ADGRL2: variants seen among roughly 807,000 people sequenced by gnomAD.
The protein encoded by ADGRL2 is calcium-independent alpha-latrotoxin receptor 2.
Under a neutral mutation model 157.4 loss-of-function variants are expected in ADGRL2, and 44 were observed. The observed-to-expected ratio is 0.28, with a 90% CI of 0.22 to 0.36. The LOEUF is 0.36. Among genes scored for constraint, ADGRL2 ranks in the 10% least tolerant of loss-of-function variants. ADGRL2 has a pLI of 1.00. For synonymous variants in ADGRL2, 585 were observed against 624.7 expected, an observed-to-expected ratio of 0.94 and a Z score of 0.95; for missense variants, 1,510 against 1,768.9, an observed-to-expected ratio of 0.85 and a Z score of 2.63.
chr1:81,367,552 GTTTC>G (rs1490143306), intron 1 of ADGRL2, among the ~76,000 whole-genome samples: 1 of 152,030 alleles, frequency 6.6e-6, no homozygotes, highest in Non-Finnish European at 1.5e-5. Flanking sequence ...ACATGACCTT[GTTTC>G]TTTCTTTTTT....
At chr1:81,308,414 C>T (rs944115046) in intron 1 of ADGRL2, among the ~76,000 whole-genome samples, 1 of 152,174 alleles carries the variant, frequency 6.6e-6, no homozygotes, top group Non-Finnish European at 1.5e-5. Context: ...CACAGGAAAA[C>T]CTTAACAGAT....
At chr1:81,374,432 C>T (rs532532884) in intron 1 of ADGRL2, among the ~76,000 whole-genome samples, 2 of 151,938 alleles carry the variant, frequency 1.3e-5, no homozygotes, top group African/African-American at 2.4e-5. Context: ...ATTAGCCGGA[C>T]GTGGTGGCGG....
intron 3 of ADGRL2, among the ~76,000 whole-genome samples, chr1:81,686,249 G>A (rs1426155716): frequency 6.6e-6 from 1 of 152,158 alleles, no homozygotes; most frequent in Non-Finnish European, 1.5e-5. Flanking sequence ...GAATTCTGCT[G>A]TGAATCTTTC....
At chr1:81,416,316 C>A (rs1416486659) in intron 1 of ADGRL2, among the ~76,000 whole-genome samples, 12 of 141,250 alleles carry the variant, frequency 8.5e-5, no homozygotes, top group Admixed American at 2.1e-4. Flanking sequence ...AACCTTCTTG[C>A]AAAAAAAAAA....
At chr1:81,327,830 G>C (rs535690710) in intron 1 of ADGRL2, among the ~76,000 whole-genome samples, 5 of 152,032 alleles carry the variant, frequency 3.3e-5, no homozygotes, top group African/African-American at 7.2e-5. Flanking sequence ...ACTAAATACC[G>C]TTTAAAACGT....
chr1:81,404,243 T>C lies in ADGRL2; in HGVS notation c.-301-40793T>C, dbSNP rs527311602. On this transcript the variant is annotated intron_variant, in intron 1 of 24. Coordinates refer to the ADGRL2 transcript ENST00000370721. The stretch of plus-strand genomic sequence containing the variant: ...GCCGCCATCTACTAGCTGTATGATC[T>C]TAGGCAAGGTAATCAACTTTGAAGC... Among the ~76,000 whole-genome samples, 47 of 152,316 alleles carry C rather than the reference T, an allele frequency of 3.1e-4. No homozygotes were observed. The East Asian group carries it at 8.1e-3, about 26-fold the overall frequency.
chr1:81,511,400 GCACA>G (rs149522214), intron 2 of ADGRL2, among the ~76,000 whole-genome samples: 43 of 127,218 alleles, frequency 3.4e-4, no homozygotes, highest in Middle Eastern at 4.4e-3. Context: ...AAAAAAGCGC[GCACA>G]CACACACACA....
At chr1:81,441,761 A>G (rs187680156) in intron 1 of ADGRL2, among the ~76,000 whole-genome samples, 75 of 152,232 alleles carry the variant, frequency 4.9e-4, no homozygotes, top group Middle Eastern at 6.8e-3. Flanking sequence ...GCTGGTCTCA[A>G]ACTCCTGACC....
At chr1:81,661,621 A>G (rs908641623) in intron 3 of ADGRL2, among the ~76,000 whole-genome samples, 1 of 152,198 alleles carries the variant, frequency 6.6e-6, no homozygotes, top group Non-Finnish European at 1.5e-5. Flanking sequence ...AACTTCACTC[A>G]TCTGTCTTAA....
intron 3 of ADGRL2, among the ~76,000 whole-genome samples, chr1:81,632,481 C>T (rs189431692): frequency 2.6e-5 from 4 of 152,096 alleles, no homozygotes; most frequent in Non-Finnish European, 4.4e-5. Flanking sequence ...GTCATAGGCC[C>T]GGCACGGTGG....
At chr1:81,897,465 G>A (rs1415586673) in intron 2 of ADGRL2, among the ~76,000 whole-genome samples, 4 of 152,070 alleles carry the variant, frequency 2.6e-5, no homozygotes, top group African/African-American at 7.2e-5. Context: ...ACTGAAATAT[G>A]TTTTCATGGT....
intron 3 of ADGRL2, among the ~76,000 whole-genome samples, chr1:81,618,177 A>G (rs909067440): frequency 6.6e-6 from 1 of 152,164 alleles, no homozygotes; most frequent in Non-Finnish European, 1.5e-5. Context: ...TTTTAATCAT[A>G]GGTAATTTGT....
chr1:81,365,395 C>CT (rs1341619798), intron 1 of ADGRL2, among the ~76,000 whole-genome samples: 2 of 151,408 alleles, frequency 1.3e-5, no homozygotes, highest in Non-Finnish European at 2.9e-5. Context: ...TTGTATTGCA[C>CT]TTTCATTCAC....
At chr1:81,672,296 C>T (rs1224048369) in intron 3 of ADGRL2, among the ~76,000 whole-genome samples, 5 of 152,158 alleles carry the variant, frequency 3.3e-5, no homozygotes, top group African/African-American at 4.8e-5. Context: ...AAATTTCCCT[C>T]CCTAAATCAT....
At chr1:81,547,612 T>A (rs912461457) in intron 2 of ADGRL2, among the ~76,000 whole-genome samples, 1 of 152,236 alleles carries the variant, frequency 6.6e-6, no homozygotes, top group East Asian at 1.9e-4. Flanking sequence ...TCTCAATAGT[T>A]AAAGAAGAAA....
At chr1:81,712,867 A>G (rs2149086078) in intron 1 of ADGRL2, among the ~76,000 whole-genome samples, 1 of 144,612 alleles carries the variant, frequency 6.9e-6, no homozygotes, top group Admixed American at 7.2e-5. Context: ...GGTTCAAGTG[A>G]TTCTCCTGCC....
chr1:81,800,758 CGCAGTGAGTGGA>C (rs1401537085), upstream of ADGRL2, among the ~76,000 whole-genome samples: 2 of 150,222 alleles, frequency 1.3e-5, no homozygotes, highest in Non-Finnish European at 3.0e-5. Context: ...GGACCCAGCG[CGCAGTGAGTGGA>C]GTTTGGGGGT....
At chr1:81,360,761 G>A (rs1481265348) in intron 1 of ADGRL2, among the ~76,000 whole-genome samples, 3 of 151,788 alleles carry the variant, frequency 2.0e-5, no homozygotes, top group African/African-American at 7.3e-5. Context: ...AGGAAGAGAG[G>A]AAGGAAGAAA....
intron 1 of ADGRL2, among the ~76,000 whole-genome samples, chr1:81,338,928 T>G (rs1464284042): frequency 6.6e-6 from 1 of 152,226 alleles, no homozygotes; most frequent in African/African-American, 2.4e-5. Flanking sequence ...TTTTACACTT[T>G]TCTTATTCTC....
Sources: gnomAD v4.1 joint callset for allele counts (sites outside exome capture counted in the v4.1 genomes callset) on GRCh38, gnomAD v4.1.1 for gene constraint, MANE v1.5 for transcripts, NCBI Gene and HGNC (gene_info 2026-07-23, HGNC 2026-07-21) for gene names.